ZRANB3: variants seen among roughly 807,000 people sequenced by gnomAD.
ZRANB3 encodes the protein DNA annealing helicase and endonuclease ZRANB3.
ZRANB3 carries 125 observed loss-of-function variants against 133.8 expected under a neutral mutation model. The observed-to-expected ratio is 0.93, with a 90% CI of 0.81 to 1.08. The LOEUF is 1.08. ZRANB3 is among the 50% of genes least tolerant of loss of function. The probability of loss-of-function intolerance (pLI) is 0.00; values close to 1 mark genes in which losing one functional copy is unlikely to be tolerated. For synonymous variants in ZRANB3, 387 were observed against 432.7 expected (o/e 0.89, Z 1.31); for missense variants, 1,229 against 1,275.5 (o/e 0.96, Z 0.56).
chr2:135,347,355 C>G (rs928458703), intron 5 of ZRANB3, among the ~76,000 whole-genome samples: 1 of 146,612 alleles, frequency 6.8e-6, no homozygotes, highest in Admixed American at 6.9e-5. Flanking sequence ...TGCAGTGGTG[C>G]GATCTCGGCT....
Position 135,265,531 on chromosome 2 carries a change from T to TA in ZRANB3, c.1539+2dup, listed in dbSNP as rs2105112461. The TA allele has an allele frequency of 5.0e-6, 8 of 1,611,612 alleles. No individual in the cohort carries two copies. Among genetic ancestry groups the TA allele is most frequent in the Non-Finnish European group, 5.9e-6 (7 of 1,178,924 alleles). On this transcript the variant is annotated splice_region_variant and intron_variant, in intron 12 of 20. Coordinates refer to ENST00000264159, the MANE Select transcript of ZRANB3 (RefSeq NM_032143.4). ...TAGAAAAGAGTAAGGCATATAATCT[T>TA]ACGTGAGTGAACAAAGCTTCCTTCC...
intron 6 of ZRANB3, among the ~76,000 whole-genome samples, chr2:135,339,248 T>C (rs971487539): frequency 6.6e-6 from 1 of 152,046 alleles, no homozygotes; most frequent in Non-Finnish European, 1.5e-5. Flanking sequence ...CCGTCTCTAC[T>C]AAAAATACAA....
intron 6 of ZRANB3, among the ~76,000 whole-genome samples, chr2:135,325,414 AT>A (rs929366341): frequency 5.1e-4 from 75 of 148,198 alleles, no homozygotes; most frequent in African/African-American, 1.0e-3. Flanking sequence ...CATGCCAACT[AT>A]TTTTTTTTTT....
chr2:135,302,355 C>T (rs1272523254), intron 8 of ZRANB3, among the ~76,000 whole-genome samples: 1 of 152,136 alleles, frequency 6.6e-6, no homozygotes, highest in Admixed American at 6.5e-5. Context: ...TGACTAAAAA[C>T]TCTAGGGAAC....
chr2:135,440,595 G>GAT (rs970010483), intron 2 of ZRANB3, among the ~76,000 whole-genome samples: 10 of 152,268 alleles, frequency 6.6e-5, no homozygotes, highest in African/African-American at 2.4e-4. Flanking sequence ...AGCAAGCAAA[G>GAT]AAACAGGCAC....
intron 1 of ZRANB3, among the ~76,000 whole-genome samples, chr2:135,522,358 G>A (rs1403645212): frequency 6.6e-6 from 1 of 152,144 alleles, no homozygotes; most frequent in East Asian, 1.9e-4. Context: ...AGCCTCCGAT[G>A]CTCCAGTCCC....
At chr2:135,398,086 G>C (rs1687579085) in intron 2 of ZRANB3, among the ~76,000 whole-genome samples, 1 of 151,784 alleles carries the variant, frequency 6.6e-6, no homozygotes, top group Non-Finnish European at 1.5e-5. Flanking sequence ...TATTTTTTGA[G>C]ATGGAGTCTC....
intron 15 of ZRANB3, among the ~76,000 whole-genome samples, chr2:135,221,009 A>G (rs1290271351): frequency 6.6e-6 from 1 of 151,832 alleles, no homozygotes; most frequent in African/African-American, 2.4e-5. Context: ...GGTGCCTGCC[A>G]CCATGCCCAG....
chr2:135,468,974 C>CGTGG (rs1205861193), intron 2 of ZRANB3, among the ~76,000 whole-genome samples: 1 of 152,006 alleles, frequency 6.6e-6, no homozygotes, highest in African/African-American at 2.4e-5. Context: ...TACAATGGAA[C>CGTGG]CATACACGTT....
chr2:135,341,576 G>C (rs981968130), intron 6 of ZRANB3, among the ~76,000 whole-genome samples: 1 of 149,928 alleles, frequency 6.7e-6, no homozygotes, highest in African/African-American at 2.5e-5. Context: ...AGGGAACAAG[G>C]GAGATAACCA....
At chr2:135,398,135 C>T (rs897274246) in intron 2 of ZRANB3, among the ~76,000 whole-genome samples, 4 of 150,504 alleles carry the variant, frequency 2.7e-5, no homozygotes, top group Non-Finnish European at 5.9e-5. Context: ...GCGCCATCTC[C>T]GCTCACTGCA....
At position 135,480,146 on chromosome 2, in the gene ZRANB3, G is replaced by C. The variant is rs898752174; in HGVS notation, c.161+24183C>G. Among the ~76,000 whole-genome samples, 48 of 149,710 alleles carry C rather than the reference G, an allele frequency of 3.2e-4. 1 individual carries two copies. Among genetic ancestry groups the C allele is most frequent in the Non-Finnish European group, 7.4e-5 (5 of 67,504 alleles). On this transcript the variant is annotated intron_variant, in intron 2 of 20. Coordinates refer to ENST00000264159, the MANE Select transcript of ZRANB3 (RefSeq NM_032143.4). Reference sequence around the variant, plus strand: ...TTTAGTAGAGATGGGGTTTCACTGTGTTAGCCAGGAAGGTCTCGATCTCCT... The same window carrying C: ...TTTAGTAGAGATGGGGTTTCACTGTCTTAGCCAGGAAGGTCTCGATCTCCT...
chr2:135,395,545 C>T (rs1480323086), intron 2 of ZRANB3, among the ~76,000 whole-genome samples: 1 of 151,422 alleles, frequency 6.6e-6, no homozygotes, highest in Non-Finnish European at 1.5e-5. Context: ...ACAACCTCTG[C>T]CTCCCACGTT....
chr2:135,485,183 C>CAA (rs1207141738), intron 2 of ZRANB3, among the ~76,000 whole-genome samples: 2 of 148,632 alleles, frequency 1.3e-5, no homozygotes, highest in South Asian at 2.1e-4. Context: ...CAAAACAAAA[C>CAA]AAAACATAAC....
intron 6 of ZRANB3, among the ~76,000 whole-genome samples, chr2:135,327,723 C>T (rs1424172649): frequency 1.3e-5 from 2 of 152,160 alleles, no homozygotes; most frequent in South Asian, 2.1e-4. Flanking sequence ...TTTCCAAATA[C>T]AGCTTCCTCA....
Position 135,506,484 on chromosome 2 carries a change from T to C in ZRANB3, c.-7-1988A>G, listed in dbSNP as rs549414168. Among the ~76,000 whole-genome samples the C allele has an allele frequency of 4.6e-5, 7 of 152,322 alleles. No homozygotes were observed. The East Asian group carries it at 1.4e-3, about 29-fold the overall frequency. On this transcript the variant is annotated intron_variant, in intron 1 of 20. Transcript: ENST00000264159. Reference sequence around the variant, plus strand: ...CGAGATAAACAAGAGCCAAATCATATACAGCCTTGATAATAACTTTGGATT... The same window carrying C: ...CGAGATAAACAAGAGCCAAATCATACACAGCCTTGATAATAACTTTGGATT...
Position 135,391,487 on chromosome 2 carries a change from A to C in ZRANB3, c.162-667T>G, listed in dbSNP as rs16831592. On this transcript the variant is annotated intron_variant, in intron 2 of 20. Transcript: ENST00000264159. ...TATAAAGAGAAGAATGCTGCATTAA[A>C]ATATAAGAAAATAAGTGTGAATTAC... Among the ~76,000 whole-genome samples the C allele has an allele frequency of 2.1e-3, 317 of 152,360 alleles. 4 individuals carry two copies. Among genetic ancestry groups the C allele is most frequent in the African/African-American group, 7.4e-3 (308 of 41,588 alleles).
intron 2 of ZRANB3, among the ~76,000 whole-genome samples, chr2:135,400,814 G>A (rs1480137235): frequency 1.3e-5 from 2 of 152,210 alleles, no homozygotes; most frequent in Non-Finnish European, 2.9e-5. Context: ...ATAAATGAAT[G>A]AGCAGGGTTG....
At chr2:135,271,610 T>C (rs1397790752) in intron 10 of ZRANB3, among the ~76,000 whole-genome samples, 158 bp downstream of exon 10, 1 of 152,234 alleles carries the variant, frequency 6.6e-6, no homozygotes, top group Non-Finnish European at 1.5e-5. Flanking sequence ...GGCCTCTTTC[T>C]ATTATACTTT....
Sources: allele counts gnomAD v4.1 joint callset (sites outside exome capture counted in the v4.1 genomes callset), GRCh38; gene constraint gnomAD v4.1.1; transcripts MANE v1.5; gene names NCBI Gene and HGNC (gene_info 2026-07-23, HGNC 2026-07-21).